Variants in AGR3 observed in about 807,000 individuals in gnomAD.
AGR3 encodes the protein anterior gradient protein 3.
In AGR3, 37 loss-of-function variants were observed where a neutral mutation model predicts 24.5. The observed-to-expected ratio is 1.51, with a 90% CI of 1.16 to 1.99. The LOEUF is 1.99. AGR3 is among the 30% of genes most tolerant of loss of function. The pLI is 0.00. For missense variants in AGR3, 228 were observed against 191.1 expected (o/e 1.19, Z -1.14); for synonymous variants, 75 against 61.6 (o/e 1.22, Z -1.02).
downstream of AGR3, among the ~76,000 whole-genome samples, chr7:16,857,637 A>G (rs1781572567): frequency 6.6e-6 from 1 of 152,164 alleles, no homozygotes; most frequent in Non-Finnish European, 1.5e-5. Flanking sequence ...CTTTTATCTA[A>G]AAAATCAAAA....
chr7:16,880,011 C>A (rs1379590109), intron 1 of AGR3, among the ~76,000 whole-genome samples: 1 of 149,572 alleles, frequency 6.7e-6, no homozygotes, highest in African/African-American at 2.5e-5. Context: ...GTTAACCTTA[C>A]TTTATTTCCC....
At chr7:16,874,699 T>C (rs1781951481) in intron 2 of AGR3, among the ~76,000 whole-genome samples, 1 of 152,208 alleles carries the variant, frequency 6.6e-6, no homozygotes, top group South Asian at 2.1e-4. Flanking sequence ...TTTAATATCA[T>C]GGTAAATATG....
At chr7:16,873,663 T>G in intron 3 of AGR3, 117 bp downstream of exon 3, 2 of 760,370 alleles carry the variant, frequency 2.6e-6, no homozygotes. Flanking sequence ...TACACTGATT[T>G]GATCACTACA....
At chr7:16,855,512 A>G (rs35024031), downstream of AGR3, among the ~76,000 whole-genome samples, 43,344 of 152,034 alleles carry the variant, frequency 0.29, 6,448 homozygotes, top group South Asian at 0.39. Context: ...TGCTCTCCAC[A>G]ATTCTGTCGC....
chr7:16,869,653 T>C (rs549885050), intron 3 of AGR3, among the ~76,000 whole-genome samples: 3 of 150,196 alleles, frequency 2.0e-5, no homozygotes, highest in Non-Finnish European at 3.0e-5. Context: ...CTTGAGCCTA[T>C]AGTTGGGGCT....
chr7:16,865,496 C>A, intron 3 of AGR3: 1 of 719,282 alleles, frequency 1.4e-6, no homozygotes, highest in South Asian at 1.6e-5. Flanking sequence ...CTTTGGGGAA[C>A]AAGAAACTTT....
intron 3 of AGR3, chr7:16,866,054 CAGAT>C: frequency 8.0e-6 from 5 of 627,412 alleles, no homozygotes; most frequent in South Asian, 6.1e-5. Flanking sequence ...CATTTTCAGA[CAGAT>C]AGTCTTTTGA....
chr7:16,859,553 TTGAAGTGAA>T lies in AGR3; in HGVS notation c.*20_*28del. 1 of 1,500,946 alleles carries T rather than the reference TTGAAGTGAA, an allele frequency of 6.7e-7. No homozygotes were observed. The highest frequency in any genetic ancestry group is 9.1e-7 in the Non-Finnish European group (1 of 1,100,414). The allele number at this position is 1,500,946 out of a possible 1,614,324, so 93.0% of individuals were successfully genotyped here. Reference sequence around the variant, plus strand: ...GTTTTCTTCATGAAATTTGACTTCTTTGAAGTGAAGGCTTTTTTCCATCATCTCTTATAG... The same window carrying T: ...GTTTTCTTCATGAAATTTGACTTCTTGGCTTTTTTCCATCATCTCTTATAG... On this transcript the variant is annotated 3_prime_UTR_variant, in exon 8 of 8. Transcript: ENST00000310398.
At chr7:16,872,124 C>G (rs543715663) in intron 3 of AGR3, among the ~76,000 whole-genome samples, 1 of 152,082 alleles carries the variant, frequency 6.6e-6, no homozygotes, top group Non-Finnish European at 1.5e-5. Flanking sequence ...TTGTATAGAA[C>G]CACAACAGAC....
At chr7:16,869,427 A>G (rs766761151) in intron 3 of AGR3, among the ~76,000 whole-genome samples, 19 of 152,256 alleles carry the variant, frequency 1.2e-4, no homozygotes, top group East Asian at 1.9e-4. Context: ...GTTAATAAAC[A>G]TCCTTCAAGG....
chr7:16,877,550 G>C (rs1224984718), intron 2 of AGR3, among the ~76,000 whole-genome samples: 1 of 151,762 alleles, frequency 6.6e-6, no homozygotes, highest in Non-Finnish European at 1.5e-5. Context: ...GTTACTTAGA[G>C]ATATAGAAAC....
At chr7:16,872,990 T>C (rs1583844102) in intron 3 of AGR3, among the ~76,000 whole-genome samples, 2 of 152,290 alleles carry the variant, frequency 1.3e-5, no homozygotes, top group Admixed American at 1.3e-4. Context: ...GGAATTCTTA[T>C]ACACTGTTGG....
chr7:16,865,312 T>C (rs982609851), intron 3 of AGR3: 11 of 1,143,614 alleles, frequency 9.6e-6, no homozygotes, highest in Non-Finnish European at 1.3e-5. Context: ...GCACTTCTCA[T>C]ATCACCAGAA....
intron 2 of AGR3, among the ~76,000 whole-genome samples, chr7:16,878,026 A>G (rs1277492042): frequency 2.0e-5 from 3 of 152,138 alleles, no homozygotes; most frequent in Non-Finnish European, 4.4e-5. Context: ...TGTCTTCCAG[A>G]GTCAATATAG....
At chr7:16,873,905 T>A (rs1011513714) in intron 2 of AGR3, 62 bp from the exon 3 acceptor site, 30 of 1,220,464 alleles carry the variant, frequency 2.5e-5, no homozygotes, top group Non-Finnish European at 3.3e-5. Flanking sequence ...CGGAAATGGG[T>A]ATCTAATAAT....
At chr7:16,871,592 C>G (rs1480128830) in intron 3 of AGR3, among the ~76,000 whole-genome samples, 1 of 152,142 alleles carries the variant, frequency 6.6e-6, no homozygotes, top group African/African-American at 2.4e-5. Flanking sequence ...CCTGTAATCC[C>G]AGCACTTTGG....
At chr7:16,869,526 G>A (rs1311405886) in intron 3 of AGR3, among the ~76,000 whole-genome samples, 1 of 152,096 alleles carries the variant, frequency 6.6e-6, no homozygotes, top group African/African-American at 2.4e-5. Flanking sequence ...TTAGGAGTTT[G>A]AGACTAGTCT....
rs1583841670 is a variant in AGR3, at chr7:16,869,798, T to C, written c.173+3982A>G. On this transcript the variant is annotated intron_variant, in intron 3 of 7. Coordinates refer to ENST00000310398, the MANE Select transcript of AGR3 (RefSeq NM_176813.5). Reference sequence around the variant, plus strand: ...ATTCAAAGTTTTATTTCTATACTTTTATTATATTTTATTTATTTACAAGTA... The same window carrying C: ...ATTCAAAGTTTTATTTCTATACTTTCATTATATTTTATTTATTTACAAGTA... 5.9e-5 allele frequency among the ~76,000 whole-genome samples: 9 copies of C among 151,868 alleles called. No homozygotes were observed. The South Asian group carries it at 1.9e-3, about 32-fold the overall frequency.
At chr7:16,855,033 A>G (rs1054053818), downstream of AGR3, among the ~76,000 whole-genome samples, 1 of 152,212 alleles carries the variant, frequency 6.6e-6, no homozygotes, top group Non-Finnish European at 1.5e-5. Context: ...ATACATGTCT[A>G]TGGGGTACAT....
Sources: allele counts gnomAD v4.1 joint callset (sites outside exome capture counted in the v4.1 genomes callset), GRCh38; gene constraint gnomAD v4.1.1; transcripts MANE v1.5; gene names NCBI Gene and HGNC (gene_info 2026-07-23, HGNC 2026-07-21).